The following UTP18 variants were observed in gnomAD, a reference collection of about 807,000 sequenced individuals.
UTP18 encodes the protein U3 small nucleolar RNA-associated protein 18 homolog.
Under a neutral mutation model 61.1 loss-of-function variants are expected in UTP18, and 36 were observed. That is an observed-to-expected ratio of 0.59 (90% CI 0.45 to 0.78). The LOEUF (loss-of-function observed/expected upper bound fraction) is 0.78, where lower values mean the gene tolerates loss of function less well. UTP18 is among the 30% of genes least tolerant of loss of function. The pLI, the probability that UTP18 is intolerant of heterozygous loss-of-function variation, is 0.00. For synonymous variants in UTP18, 282 were observed against 251.1 expected (o/e 1.12, Z -1.16); for missense variants, 753 against 693.9 (o/e 1.09, Z -0.96).
chr17:51,291,690 G>T (rs1405491514), intron 11 of UTP18, among the ~76,000 whole-genome samples: 1 of 150,864 alleles, frequency 6.6e-6, no homozygotes, highest in Non-Finnish European at 1.5e-5. Flanking sequence ...AGCTGAGATC[G>T]CACCACTGTA....
Position 51,260,807 on chromosome 17 carries a change from C to T in UTP18, c.223C>T (p.Arg75Trp), listed in dbSNP as rs1333474941. ...AAEEERRLRQ[R>W]NRLRLEEDKP... ...GGAGGAAGAGAGACGGCTCCGGCAG[C>T]GGAACCGCCTGAGGCTGGAGGAGGA... Residue 75 changes from arginine to tryptophan, a missense_variant, in exon 1 of 14, where the codon CGG (arginine) becomes TGG (tryptophan). Transcript: ENST00000225298. 7.6e-6 allele frequency: 12 copies of T among 1,585,960 alleles called. No individual in the cohort carries two copies. The highest frequency in any genetic ancestry group is 9.4e-6 in the Non-Finnish European group (11 of 1,167,602).
chr17:51,263,489 T>G (rs2055528936), intron 2 of UTP18, 103 bp downstream of exon 2: 2 of 897,256 alleles, frequency 2.2e-6, no homozygotes, highest in South Asian at 1.7e-5. Flanking sequence ...TATGTGAAGA[T>G]TTGAAAAATA....
At chr17:51,274,919 C>T (rs187375421) in intron 5 of UTP18, among the ~76,000 whole-genome samples, 89 of 151,654 alleles carry the variant, frequency 5.9e-4, no homozygotes, top group Admixed American at 5.9e-4. Context: ...ACCACATGGC[C>T]GGGCGCAGTG....
At chr17:51,278,354 A>G (rs1318448338) in intron 7 of UTP18, among the ~76,000 whole-genome samples, 3 of 152,232 alleles carry the variant, frequency 2.0e-5, no homozygotes, top group African/African-American at 7.2e-5. Context: ...GTCTTAAACC[A>G]TCTTCTCATA....
Position 51,273,346 on chromosome 17 carries a change from G to T in UTP18, c.623-16G>T. On this transcript the variant is annotated splice_polypyrimidine_tract_variant and intron_variant, in intron 4 of 13. Coordinates refer to ENST00000225298, the MANE Select transcript of UTP18 (RefSeq NM_016001.3). The stretch of plus-strand genomic sequence containing the variant: ...ATTGATTCTAAAGATCAGCCTTCTG[G>T]GTTTGTTTGACTTAGATGAAAGTGA... The T allele has an allele frequency of 6.3e-7, 1 of 1,596,436 alleles. No individual in the cohort carries two copies. The highest frequency in any genetic ancestry group is 8.5e-7 in the Non-Finnish European group (1 of 1,170,476).
At chr17:51,273,564 C>T in intron 5 of UTP18, 114 bp downstream of exon 5, 1 of 694,298 alleles carries the variant, frequency 1.4e-6, no homozygotes. Context: ...AATATGTTTG[C>T]TGTCATTTTG....
intron 12 of UTP18, chr17:51,296,265 T>G (rs1597856432): frequency 6.6e-6 from 1 of 152,232 alleles, no homozygotes; most frequent in East Asian, 1.9e-4. Flanking sequence ...GTGTTGGTAG[T>G]GAATGCTACA....
chr17:51,277,118 ACTT>A lies in UTP18; in HGVS notation c.838-8_838-6del, dbSNP rs1417116251. 1 of 1,611,552 alleles carries A rather than the reference ACTT, an allele frequency of 6.2e-7. No individual in the cohort carries two copies. Among genetic ancestry groups the A allele is most frequent in the South Asian group, 1.1e-5 (1 of 90,964 alleles). On this transcript the variant is annotated splice_polypyrimidine_tract_variant and intron_variant, in intron 6 of 13. Coordinates refer to ENST00000225298, the MANE Select transcript of UTP18 (RefSeq NM_016001.3). ...GAAATAATCAAAAGAACCATTTTGT[ACTT>A]CTTTATAGGTTGATGGGAAAACAAA...
intron 11 of UTP18, among the ~76,000 whole-genome samples, chr17:51,289,014 C>T (rs1445073423): frequency 6.6e-6 from 1 of 152,128 alleles, no homozygotes; most frequent in Non-Finnish European, 1.5e-5. Context: ...TACCAAAATT[C>T]TAGATTCCCA....
chr17:51,282,835 C>T (rs1010444694), intron 9 of UTP18, among the ~76,000 whole-genome samples: 44 of 150,540 alleles, frequency 2.9e-4, no homozygotes, highest in African/African-American at 1.0e-3. Flanking sequence ...CCTCTCTCTC[C>T]GCTTCTTCCT....
chr17:51,281,264 A>G (rs1904912268), intron 9 of UTP18, among the ~76,000 whole-genome samples: 2 of 151,414 alleles, frequency 1.3e-5, no homozygotes, highest in African/African-American at 2.4e-5. Flanking sequence ...TTGCCTTCTC[A>G]TTAATAATAG....
chr17:51,285,451 A>C (rs533941963), intron 10 of UTP18, 83 bp downstream of exon 10: 47 of 1,502,170 alleles, frequency 3.1e-5, no homozygotes, highest in African/African-American at 5.5e-5. Context: ...TAGGTGGTGC[A>C]TGAGTAGTTC....
intron 10 of UTP18, chr17:51,286,460 C>T (rs554015891): frequency 6.6e-6 from 3 of 456,202 alleles, no homozygotes; most frequent in South Asian, 3.1e-5. Context: ...ACTCTCTACT[C>T]TTTGTTCACT....
rs866739261 is a variant in UTP18, at chr17:51,286,441, A to G, written c.1328+1073A>G. 12 of 455,582 alleles carry G rather than the reference A, an allele frequency of 2.6e-5. No individual in the cohort carries two copies. The Middle Eastern group carries it at 2.6e-3, about 99-fold the overall frequency. The allele number at this position is 455,582 out of a possible 1,614,324, so 28.2% of individuals were successfully genotyped here. A position where few individuals can be genotyped will look rare whatever the true frequency, so the allele number is the denominator to read the frequency against. ...AGTCAAGGGGTCTTGTTGTCCAGAA[A>G]CTTAGCATACTCTCTACTCTTTGTT... On this transcript the variant is annotated intron_variant, in intron 10 of 13. Coordinates refer to ENST00000225298, the MANE Select transcript of UTP18 (RefSeq NM_016001.3).
chr17:51,281,608 T>G (rs1276893842), intron 9 of UTP18, among the ~76,000 whole-genome samples: 2 of 152,106 alleles, frequency 1.3e-5, no homozygotes, highest in African/African-American at 4.8e-5. Flanking sequence ...GAGGTATCTA[T>G]AAAAGAGCAA....
intron 9 of UTP18, among the ~76,000 whole-genome samples, chr17:51,283,562 G>A (rs1905020394): frequency 6.6e-6 from 1 of 150,376 alleles, no homozygotes; most frequent in Admixed American, 6.6e-5. Context: ...GATAAAAAGA[G>A]TTGAAGAATT....
intron 12 of UTP18, chr17:51,296,112 C>A (rs1905363968): frequency 6.6e-6 from 1 of 152,158 alleles, no homozygotes; most frequent in African/African-American, 2.4e-5. Flanking sequence ...ACCCAACATA[C>A]TTGGCTATAA....
chr17:51,282,813 G>C (rs1304206044), intron 9 of UTP18, among the ~76,000 whole-genome samples: 2 of 151,682 alleles, frequency 1.3e-5, no homozygotes, highest in African/African-American at 2.4e-5. Flanking sequence ...TTGAAATGTT[G>C]ATGGTTCTCT....
At chr17:51,287,295 T>A (rs1279501468) in intron 10 of UTP18, among the ~76,000 whole-genome samples, 5 of 152,234 alleles carry the variant, frequency 3.3e-5, no homozygotes, top group African/African-American at 9.6e-5. Flanking sequence ...CTTCAAGTTA[T>A]TCTTAAAGAA....
Sources: gnomAD v4.1 joint callset for allele counts (sites outside exome capture counted in the v4.1 genomes callset) on GRCh38, gnomAD v4.1.1 for gene constraint, MANE v1.5 for transcripts, NCBI Gene and HGNC (gene_info 2026-07-23, HGNC 2026-07-21) for gene names.